The following ZDHHC2 variants were observed in gnomAD, a reference collection of about 807,000 sequenced individuals.
ZDHHC2 encodes the protein zDHHC palmitoyltransferase 2.
ZDHHC2 carries 51 observed loss-of-function variants against 55.6 expected under a neutral mutation model. The ratio of observed to expected loss-of-function variants is 0.92; its 90% CI spans 0.73 to 1.16. The LOEUF is 1.16. ZDHHC2 is among the 50% of genes most tolerant of loss of function. The pLI is 0.00. For missense variants in ZDHHC2, 491 were observed against 442.4 expected (o/e 1.11, Z -0.99); for synonymous variants, 199 against 152.9 (o/e 1.30, Z -2.22).
intron 10 of ZDHHC2, 74 bp from the exon 11 acceptor site, chr8:17,215,163 C>A: frequency 1.5e-6 from 2 of 1,372,202 alleles, no homozygotes; most frequent in Non-Finnish European, 2.0e-6. Flanking sequence ...TGGTTCCATA[C>A]ATTGAGAAAC....
intron 1 of ZDHHC2, among the ~76,000 whole-genome samples, chr8:17,159,740 A>G (rs1163872654): frequency 1.3e-5 from 2 of 152,212 alleles, no homozygotes; most frequent in Non-Finnish European, 2.9e-5. Flanking sequence ...TCAGCTTCCT[A>G]TTCTGCCAAA....
rs1491110442 is a variant in ZDHHC2, at chr8:17,199,487, CTT to C, written c.476+1075_476+1076del. 8.7e-3 allele frequency among the ~76,000 whole-genome samples: 341 copies of C among 39,124 alleles called. 2 individuals are homozygous for C. The highest frequency in any genetic ancestry group is 0.02 in the African/African-American group (315 of 15,638). The allele number at this position is 39,124 out of a possible 152,430, so 25.7% of individuals were successfully genotyped here. Reference sequence around the variant, plus strand: ...AAGACTTCTTCTTCTTCTTCTTCTTCTTCTTCTTCTTCTTCTTCTTCTTCTTC... The same window carrying C: ...AAGACTTCTTCTTCTTCTTCTTCTTCCTTCTTCTTCTTCTTCTTCTTCTTC... On this transcript the variant is annotated intron_variant, in intron 6 of 12. Coordinates refer to ENST00000262096, the MANE Select transcript of ZDHHC2 (RefSeq NM_016353.5).
chr8:17,222,110 T>TAAGA lies in ZDHHC2; in HGVS notation c.*1890_*1891insAGAA, dbSNP rs1478601078. ...GAGGGATTTTTATCCTTTACTCTTC[T>TAAGA]AGAGTACTGTTAATGCCCCTTTCCC... On this transcript the variant is annotated 3_prime_UTR_variant, in exon 13 of 13. Coordinates refer to ENST00000262096, the MANE Select transcript of ZDHHC2 (RefSeq NM_016353.5). 4.6e-5 allele frequency: 7 copies of TAAGA among 151,502 alleles called. No individual in the cohort carries two copies. Among genetic ancestry groups the TAAGA allele is most frequent in the Non-Finnish European group, 1.0e-4 (7 of 67,722 alleles). The allele number at this position is 151,502 out of a possible 1,614,324, so 9.4% of individuals were successfully genotyped here.
At position 17,223,606 on chromosome 8, in the gene ZDHHC2, T is replaced by C. The variant is rs1208467052; in HGVS notation, c.*3385T>C. 1 of 151,840 alleles carries C rather than the reference T, an allele frequency of 6.6e-6. No homozygotes were observed. Among genetic ancestry groups the C allele is most frequent in the African/African-American group, 2.4e-5 (1 of 41,420 alleles). 9.4% of individuals were successfully genotyped at this position (151,840 alleles called of 1,614,324 possible). A position where few individuals can be genotyped will look rare whatever the true frequency, so the allele number is the denominator to read the frequency against. On this transcript the variant is annotated 3_prime_UTR_variant, in exon 13 of 13. Transcript: ENST00000262096. Reference sequence around the variant, plus strand: ...GTATTACTCTTTTACAAAGATACCATTAGAATTTTCTCACTGTCTTGGTAA... The same window carrying C: ...GTATTACTCTTTTACAAAGATACCACTAGAATTTTCTCACTGTCTTGGTAA...
rs1807861902 is a variant in ZDHHC2, at chr8:17,220,253, A to T, written c.*35-3A>T. 6.6e-6 allele frequency: 1 copy of T among 152,140 alleles called. No individual in the cohort carries two copies. Among genetic ancestry groups the T allele is most frequent in the Non-Finnish European group, 1.5e-5 (1 of 68,024 alleles). The allele number at this position is 152,140 out of a possible 1,614,324, so 9.4% of individuals were successfully genotyped here. A position where few individuals can be genotyped will look rare whatever the true frequency, so the allele number is the denominator to read the frequency against. The stretch of plus-strand genomic sequence containing the variant: ...AGTTTCATGTTTTCTGTTTCATTTC[A>T]AGGTATCAATGCTGTAGATGGATGG... On this transcript the variant is annotated splice_region_variant and splice_polypyrimidine_tract_variant and intron_variant, in intron 12 of 12. Transcript: ENST00000262096.
intron 10 of ZDHHC2, among the ~76,000 whole-genome samples, chr8:17,214,887 C>G (rs1404233074): frequency 6.6e-6 from 1 of 152,060 alleles, no homozygotes; most frequent in Admixed American, 6.6e-5. Flanking sequence ...GAGTGAGATT[C>G]TTCCTCAAAA....
chr8:17,170,182 T>G (rs1804788446), intron 1 of ZDHHC2, among the ~76,000 whole-genome samples: 1 of 152,314 alleles, frequency 6.6e-6, no homozygotes, highest in South Asian at 2.1e-4. Flanking sequence ...TTGTGTATGT[T>G]TACTTTATGA....
chr8:17,193,386 C>T (rs964639770), intron 3 of ZDHHC2, among the ~76,000 whole-genome samples: 4 of 152,236 alleles, frequency 2.6e-5, no homozygotes, highest in African/African-American at 9.6e-5. Flanking sequence ...TCTAAACAAA[C>T]AGAGCCTCTC....
At position 17,217,227 on chromosome 8, in the gene ZDHHC2, T is replaced by C. The variant is rs770055427; in HGVS notation, c.*15T>C. 1.9e-6 allele frequency: 3 copies of C among 1,607,564 alleles called. No homozygotes were observed. Among genetic ancestry groups the C allele is most frequent in the East Asian group, 2.2e-5 (1 of 44,692 alleles). On this transcript the variant is annotated 3_prime_UTR_variant, in exon 12 of 13. Transcript: ENST00000262096. ...ATGAGACTTAACTCTTCAAGCAAGA[T>C]AAATTCATACTTTATAAAAGTACGA...
At chr8:17,208,706 C>T (rs1434614407) in intron 8 of ZDHHC2, among the ~76,000 whole-genome samples, 3 of 152,080 alleles carry the variant, frequency 2.0e-5, no homozygotes, top group Admixed American at 2.0e-4. Context: ...AATCATTACA[C>T]CAAATACTAT....
Position 17,186,414 on chromosome 8 carries a change from C to T in ZDHHC2, c.241C>T (p.Pro81Ser). The change falls in exon 3 of 13, where the codon CCT (proline) becomes TCT (serine). Residue 81 changes from proline (P) to serine (S), a missense_variant. Physicochemically the swap from Pro to Ser is moderately conservative, Grantham distance 74 (BLOSUM62 -1). Transcript: ENST00000262096. ...WKTIFTLPMN[P>S]SKEFHLSYAE... ...AACTATCTTTACATTACCAATGAAT[C>T]CTTCAAAAGAAGTAAGTTAAAATAT... 2 of 1,542,372 alleles carry T rather than the reference C, an allele frequency of 1.3e-6. No homozygotes were observed. The highest frequency in any genetic ancestry group is 1.2e-5 in the South Asian group (1 of 80,270).
rs1205209989 is a variant in ZDHHC2 at position 17,198,484 on chromosome 8, G to T, written c.476+71G>T. ...TTAATAAATTAAATCACTTATCCAT[G>T]TAAATCTTTTCACACATGAAATATT... On this transcript the variant is annotated intron_variant, in intron 6 of 12. Coordinates refer to ENST00000262096, the MANE Select transcript of ZDHHC2 (RefSeq NM_016353.5). 5 of 1,420,992 alleles carry T rather than the reference G, an allele frequency of 3.5e-6. No homozygotes were observed. In the African/African-American group the frequency reaches 4.4e-5, roughly 12 times the overall value. 88.0% of individuals were successfully genotyped at this position (1,420,992 alleles called of 1,614,324 possible).
intron 1 of ZDHHC2, among the ~76,000 whole-genome samples, chr8:17,171,826 T>C (rs185026072): frequency 1.1e-3 from 166 of 151,340 alleles, no homozygotes; most frequent in African/African-American, 3.6e-3. Context: ...CAACCTTGTT[T>C]TTACTAACCC....
chr8:17,164,758 G>T (rs768503614), intron 1 of ZDHHC2, among the ~76,000 whole-genome samples: 1 of 152,112 alleles, frequency 6.6e-6, no homozygotes, highest in Non-Finnish European at 1.5e-5. Context: ...TTATAATTCA[G>T]TGAAATTTGG....
intron 12 of ZDHHC2, among the ~76,000 whole-genome samples, chr8:17,218,105 T>G (rs1231657518): frequency 6.6e-6 from 1 of 152,224 alleles, no homozygotes; most frequent in Non-Finnish European, 1.5e-5. Context: ...AGCAAAATGC[T>G]GACCTGGCAA....
At position 17,156,959 on chromosome 8, in the gene ZDHHC2, G is replaced by GCGCTGCCAACCTGC. The variant is rs1804089057; in HGVS notation, c.130+110_130+123dup. ...CTCTCGCCCCCCGGATGCGCCCCGGGCGCTGCCAACCTGCCGCGTCCCGCC... is the reference window on the plus strand; with the variant it reads ...CTCTCGCCCCCCGGATGCGCCCCGGGCGCTGCCAACCTGCCGCTGCCAACCTGCCGCGTCCCGCC... On this transcript the variant is annotated intron_variant, in intron 1 of 12. Coordinates refer to ENST00000262096, the MANE Select transcript of ZDHHC2 (RefSeq NM_016353.5). 6 of 1,153,462 alleles carry GCGCTGCCAACCTGC rather than the reference G, an allele frequency of 5.2e-6. No homozygotes were observed. In the Admixed American group the frequency reaches 1.2e-4, roughly 24 times the overall value. 71.5% of individuals were successfully genotyped at this position (1,153,462 alleles called of 1,614,324 possible). A position where few individuals can be genotyped will look rare whatever the true frequency, so the allele number is the denominator to read the frequency against.
rs533622990 is a variant in ZDHHC2, at chr8:17,210,141, C to A, written c.857+83C>A. ...TAGTTTCAGGAAAAGCCTCTAGTTC[C>A]ATAGGCTTGTAATTCTGTGTAGGAA... On this transcript the variant is annotated intron_variant, in intron 9 of 12. Transcript: ENST00000262096. 377 of 1,426,744 alleles carry A rather than the reference C, an allele frequency of 2.6e-4. 1 individual carries two copies. Among genetic ancestry groups the A allele is most frequent in the Non-Finnish European group, 3.1e-4 (334 of 1,063,108 alleles). 88.4% of individuals were successfully genotyped at this position (1,426,744 alleles called of 1,614,324 possible). A position where few individuals can be genotyped will look rare whatever the true frequency, so the allele number is the denominator to read the frequency against.
chr8:17,180,397 TA>T (rs1349307904), intron 1 of ZDHHC2, among the ~76,000 whole-genome samples: 1 of 152,198 alleles, frequency 6.6e-6, no homozygotes, highest in African/African-American at 2.4e-5. Flanking sequence ...AGATTTACAT[TA>T]TTTTTCACCT....
At chr8:17,219,360 TTGTTCAGCAGTTTCCAGATGGTTATAA>T (rs1277115630) in intron 12 of ZDHHC2, among the ~76,000 whole-genome samples, 1 of 152,086 alleles carries the variant, frequency 6.6e-6, no homozygotes, top group Non-Finnish European at 1.5e-5. Context: ...AAATATTTGT[TTGTTCAGCAGTTTCCAGATGGTTATAA>T]TGTGCCTAAA....
Sources: gnomAD v4.1 joint callset for allele counts (sites outside exome capture counted in the v4.1 genomes callset) on GRCh38, gnomAD v4.1.1 for gene constraint, MANE v1.5 for transcripts, NCBI Gene and HGNC (gene_info 2026-07-23, HGNC 2026-07-21) for gene names.